The following AR variants were observed in gnomAD, a reference collection of about 807,000 sequenced individuals.
AR encodes the protein dihydrotestosterone receptor.
A neutral mutation model predicts 53.9 loss-of-function variants in AR; 8 were observed. That is an observed-to-expected ratio of 0.15 (90% CI 0.09 to 0.27). AR has a LOEUF of 0.27. AR is among the 10% of genes least tolerant of loss of function. The probability of loss-of-function intolerance (pLI) is 1.00; values close to 1 mark genes in which losing one functional copy is unlikely to be tolerated. For synonymous variants in AR, 359 were observed against 316.4 expected (o/e 1.13, Z -1.43); for missense variants, 639 against 742.5 (o/e 0.86, Z 1.62).
intron 2 of AR, among the ~76,000 whole-genome samples, chrX:67,664,498 C>T (rs765907770): frequency 3.6e-5 from 4 of 111,769 alleles, no homozygotes; most frequent in South Asian, 3.8e-4. Flanking sequence ...GAGGAATACC[C>T]GGATGTGTGA....
At chrX:67,665,367 C>T (rs1927211189) in intron 2 of AR, among the ~76,000 whole-genome samples, 1 of 112,527 alleles carries the variant, frequency 8.9e-6, no homozygotes, top group Non-Finnish European at 1.9e-5. Context: ...TAGAAATGAA[C>T]TCTCATTCAT....
rs796606484 is a variant in AR, at chrX:67,723,312, C to CTGTGTGTG, written c.2608-340_2608-333dup. Among the ~76,000 whole-genome samples, 528 of 77,975 alleles carry CTGTGTGTG rather than the reference C, an allele frequency of 6.8e-3. 6 individuals carry two copies. Among genetic ancestry groups the CTGTGTGTG allele is most frequent in the African/African-American group, 0.026 (483 of 18,362 alleles). The allele number at this position is 77,975 out of a possible 115,157, so 67.7% of individuals were successfully genotyped here. A position where few individuals can be genotyped will look rare whatever the true frequency, so the allele number is the denominator to read the frequency against. On this transcript the variant is annotated intron_variant, in intron 7 of 7. Transcript: ENST00000374690. The stretch of plus-strand genomic sequence containing the variant: ...GTCATGTTCATGTGAGTTTGTCTGT[C>CTGTGTGTG]TGTGTGTGTGTGTGTGTGTGTGTGT...
At chrX:67,587,095 TAGG>T (rs1472552156) in intron 1 of AR, among the ~76,000 whole-genome samples, 2 of 112,025 alleles carry the variant, frequency 1.8e-5, no homozygotes, top group African/African-American at 6.5e-5. Context: ...AAGGCTCAAG[TAGG>T]AGAACTTACT....
rs1362018792 is a variant in AR, at chrX:67,724,985, ACT to A, written c.*1145_*1146del. Reference sequence around the variant, plus strand: ...GCTTGGCTGTTCTCCTGCTTAGGACACTGACTGAATAGTTAAACTCTCACTGC... The same window carrying A: ...GCTTGGCTGTTCTCCTGCTTAGGACAGACTGAATAGTTAAACTCTCACTGC... On this transcript the variant is annotated 3_prime_UTR_variant, in exon 8 of 8. Transcript: ENST00000374690. The A allele has an allele frequency of 5.8e-6, 1 of 173,654 alleles. No homozygotes were observed. The highest frequency in any genetic ancestry group is 3.0e-5 in the African/African-American group (1 of 33,727). The allele number at this position is 173,654 out of a possible 1,213,427, so 14.3% of individuals were successfully genotyped here.
At chrX:67,700,963 A>C (rs986806412) in intron 3 of AR, among the ~76,000 whole-genome samples, 1 of 111,620 alleles carries the variant, frequency 9.0e-6, no homozygotes, top group Non-Finnish European at 1.9e-5. Flanking sequence ...ATTTGGATTT[A>C]TTTCTTCTTT....
rs1236063500 is a variant in AR at position 67,569,107 on chromosome X, G to A, written c.1616+22345G>A. On this transcript the variant is annotated intron_variant, in intron 1 of 7. Transcript: ENST00000374690. ...GGTTTGGACTGTGACCTAATATTACGCAGCCATGACATTATCTATTAGGCA... is the reference window on the plus strand; with the variant it reads ...GGTTTGGACTGTGACCTAATATTACACAGCCATGACATTATCTATTAGGCA... The A allele has an allele frequency of 6.9e-6, 7 of 1,020,071 alleles. No homozygotes were observed. The South Asian group carries it at 9.5e-5, about 14-fold the overall frequency. 84.1% of individuals were successfully genotyped at this position (1,020,071 alleles called of 1,213,427 possible).
intron 5 of AR, among the ~76,000 whole-genome samples, chrX:67,718,624 T>G (rs12014709): frequency 0.15 from 16,294 of 110,436 alleles, 1,542 homozygotes; most frequent in African/African-American, 0.34. Flanking sequence ...ACCCTTTCCC[T>G]AATAGTGATA....
At chrX:67,665,483 G>A (rs912088458) in intron 2 of AR, among the ~76,000 whole-genome samples, 2 of 111,930 alleles carry the variant, frequency 1.8e-5, no homozygotes, top group African/African-American at 3.2e-5. Context: ...ACAATGAAGA[G>A]CTTTCTTTGG....
intron 4 of AR, among the ~76,000 whole-genome samples, chrX:67,713,957 G>A (rs1160112125): frequency 8.9e-6 from 1 of 112,284 alleles, no homozygotes; most frequent in Non-Finnish European, 1.9e-5. Flanking sequence ...TTACCTACAA[G>A]TACAAGTAAT....
At chrX:67,700,855 A>G (rs771824944) in intron 3 of AR, among the ~76,000 whole-genome samples, 63 of 112,267 alleles carry the variant, frequency 5.6e-4, no homozygotes, top group Non-Finnish European at 1.1e-3. Context: ...GGGAAAGTCG[A>G]GGCGACAGAT....
chrX:67,644,777 C>A (rs1250425631), intron 2 of AR, among the ~76,000 whole-genome samples: 1 of 111,565 alleles, frequency 9.0e-6, no homozygotes, highest in Non-Finnish European at 1.9e-5. Flanking sequence ...TTACTGAAAA[C>A]ATGCCCCATG....
chrX:67,621,534 G>C (rs1403655041), intron 1 of AR, among the ~76,000 whole-genome samples: 1 of 110,172 alleles, frequency 9.1e-6, no homozygotes, highest in African/African-American at 3.3e-5. Flanking sequence ...ACAGGCCCTG[G>C]TGTGTGATGT....
intron 2 of AR, among the ~76,000 whole-genome samples, chrX:67,658,146 T>C (rs1602230858): frequency 8.9e-6 from 1 of 112,041 alleles, no homozygotes; most frequent in Non-Finnish European, 1.9e-5. Context: ...TGTCAGTATG[T>C]CCATTAGCAA....
intron 3 of AR, chrX:67,696,146 T>TA (rs1330930045): frequency 1.4e-6 from 1 of 738,670 alleles, no homozygotes; most frequent in Non-Finnish European, 1.6e-6. Flanking sequence ...TTTCTTTTTT[T>TA]TTTTTCCTTT....
rs1281224118 is a variant in AR, at chrX:67,728,668, T to C, written c.*4827T>C. On this transcript the variant is annotated 3_prime_UTR_variant, in exon 8 of 8. Transcript: ENST00000374690. The stretch of plus-strand genomic sequence containing the variant: ...ACTTTCTCTGCATCTTTATATTTGG[T>C]TCCAGATCACACCTGATGCCATGTA... 2 of 118,818 alleles carry C rather than the reference T, an allele frequency of 1.7e-5. No individual in the cohort carries two copies. The highest frequency in any genetic ancestry group is 1.1e-4 in the Admixed American group (1 of 9,121). 9.8% of individuals were successfully genotyped at this position (118,818 alleles called of 1,213,427 possible).
chrX:67,560,492 A>AT (rs925199520), intron 1 of AR, among the ~76,000 whole-genome samples: 1 of 111,445 alleles, frequency 9.0e-6, no homozygotes, highest in Non-Finnish European at 1.9e-5. Flanking sequence ...GTCCTGTCTT[A>AT]TTTTTTCCCT....
In AR at chrX:67,640,554, T is replaced by G. The variant is rs190172095; in HGVS notation, c.1617-2702T>G. ...CCTGCTTTAGGCTTGGGAGGGTATA[T>G]GCGTTCAGGAATTTATCTATTTCTT... On this transcript the variant is annotated intron_variant, in intron 1 of 7. Coordinates refer to ENST00000374690, the MANE Select transcript of AR (RefSeq NM_000044.6). 5.4e-5 allele frequency among the ~76,000 whole-genome samples: 6 copies of G among 111,370 alleles called. No individual in the cohort carries two copies. In the Admixed American group the frequency reaches 5.7e-4, roughly 11 times the overall value.
intron 1 of AR, among the ~76,000 whole-genome samples, chrX:67,627,739 A>T (rs1288157780): frequency 1.8e-5 from 2 of 111,616 alleles, no homozygotes; most frequent in African/African-American, 6.5e-5. Flanking sequence ...GGTAATGCCT[A>T]GGTTTTCTTC....
chrX:67,723,965 G>C lies in AR; in HGVS notation c.*124G>C, dbSNP rs748499716. 2.6e-5 allele frequency: 24 copies of C among 914,538 alleles called. No homozygotes were observed. Among genetic ancestry groups the C allele is most frequent in the Non-Finnish European group, 3.7e-5 (24 of 653,683 alleles). 75.4% of individuals were successfully genotyped at this position (914,538 alleles called of 1,213,427 possible). A position where few individuals can be genotyped will look rare whatever the true frequency, so the allele number is the denominator to read the frequency against. On this transcript the variant is annotated 3_prime_UTR_variant, in exon 8 of 8. Transcript: ENST00000374690. ...AATTTCCTCTATTGATGTACAGTCT[G>C]TCATGAACATGTTCCTGAATTCTAT...
Sources: allele counts gnomAD v4.1 joint callset (sites outside exome capture counted in the v4.1 genomes callset), GRCh38; gene constraint gnomAD v4.1.1; transcripts MANE v1.5; gene names NCBI Gene and HGNC (gene_info 2026-07-23, HGNC 2026-07-21).